The following SEC23B variants were observed in gnomAD, a reference collection of about 807,000 sequenced individuals.
SEC23B encodes the protein SEC23 homolog B, COPII component.
Under a neutral mutation model 104.3 loss-of-function variants are expected in SEC23B, and 77 were observed. That is an observed-to-expected ratio of 0.74 (90% CI 0.61 to 0.89). The LOEUF is 0.89. Ranked by LOEUF, SEC23B falls within the 40% of genes least tolerant of loss-of-function variation. The pLI is 0.00. For missense variants in SEC23B, 885 were observed against 949.4 expected, an observed-to-expected ratio of 0.93 and a Z score of 0.89; for synonymous variants, 338 against 332.5, an observed-to-expected ratio of 1.02 and a Z score of -0.18.
At chr20:18,536,141 A>G (rs2060228626) in intron 12 of SEC23B, among the ~76,000 whole-genome samples, 1 of 152,212 alleles carries the variant, frequency 6.6e-6, no homozygotes, top group African/African-American at 2.4e-5. Flanking sequence ...TCTGTAATTA[A>G]CATTTTACTC....
At chr20:18,549,783 C>T (rs1226973672) in intron 16 of SEC23B, among the ~76,000 whole-genome samples, 1 of 151,864 alleles carries the variant, frequency 6.6e-6, no homozygotes, top group Non-Finnish European at 1.5e-5. Flanking sequence ...GAGTTTGAGA[C>T]CAGCCTGGCC....
At chr20:18,544,649 G>A (rs2060316177) in intron 14 of SEC23B, among the ~76,000 whole-genome samples, 1 of 152,166 alleles carries the variant, frequency 6.6e-6, no homozygotes, top group Non-Finnish European at 1.5e-5. Flanking sequence ...GGGAGACGTG[G>A]CTGTGATTGT....
chr20:18,535,552 CT>C lies in SEC23B; in HGVS notation c.1315-100del, dbSNP rs1391797339. On this transcript the variant is annotated intron_variant, in intron 11 of 19. Transcript: ENST00000650089. ...TTAAATGTTCTCCTAAAAGAAGATA[CT>C]CTAAGTAGCCTGCCCTACTCAGTCA... 3.6e-6 allele frequency: 3 copies of C among 833,270 alleles called. No homozygotes were observed. The Admixed American group carries it at 6.0e-5, about 17-fold the overall frequency. 51.6% of individuals were successfully genotyped at this position (833,270 alleles called of 1,614,324 possible).
chr20:18,529,349 G>A (rs1007391673), intron 9 of SEC23B, among the ~76,000 whole-genome samples: 2 of 152,238 alleles, frequency 1.3e-5, no homozygotes. Flanking sequence ...AGAATGGACA[G>A]CTTGGGGAGG....
intron 10 of SEC23B, among the ~76,000 whole-genome samples, chr20:18,531,588 G>A (rs895130135): frequency 1.3e-5 from 2 of 150,170 alleles, no homozygotes; most frequent in Admixed American, 6.7e-5. Flanking sequence ...CGTAGGAGGC[G>A]GAGGTTGCGG....
chr20:18,523,839 G>A (rs1457937463), intron 4 of SEC23B, among the ~76,000 whole-genome samples: 3 of 151,840 alleles, frequency 2.0e-5, no homozygotes, highest in Non-Finnish European at 4.4e-5. Flanking sequence ...TGAGTAGCTG[G>A]GACCTTAGGC....
chr20:18,525,667 A>G, intron 6 of SEC23B, 121 bp from the exon 7 acceptor site: 1 of 1,074,136 alleles, frequency 9.3e-7, no homozygotes, highest in African/African-American at 1.6e-5. Flanking sequence ...GAAGAAAAAA[A>G]TTACCAGTCA....
rs201853669 is a variant in SEC23B at position 18,557,378 on chromosome 20, G to A, written c.2214+2205G>A. Reference sequence around the variant, plus strand: ...TGGTCCTAAACTCCTGAGGTCAAGCGATCCTCCCACCTCAGCCTCCCAAAG... The same window carrying A: ...TGGTCCTAAACTCCTGAGGTCAAGCAATCCTCCCACCTCAGCCTCCCAAAG... On this transcript the variant is annotated intron_variant, in intron 19 of 19. Coordinates refer to ENST00000650089, the MANE Select transcript of SEC23B (RefSeq NM_006363.6). Among the ~76,000 whole-genome samples the A allele has an allele frequency of 2.6e-5, 4 of 152,010 alleles. 1 individual carries two copies. The South Asian group carries it at 6.2e-4, about 24-fold the overall frequency.
At position 18,551,247 on chromosome 20, in the gene SEC23B, T is replaced by C. The variant is rs1266645461; in HGVS notation, c.1992+72T>C. On this transcript the variant is annotated intron_variant, in intron 17 of 19. Coordinates refer to ENST00000650089, the MANE Select transcript of SEC23B (RefSeq NM_006363.6). Reference sequence around the variant, plus strand: ...GGAGAAAAGGCATACACATTTAATGTGCACACAAGGAGAATTATTGTCCTT... The same window carrying C: ...GGAGAAAAGGCATACACATTTAATGCGCACACAAGGAGAATTATTGTCCTT... The C allele has an allele frequency of 3.7e-6, 3 of 805,734 alleles. No individual in the cohort carries two copies. The African/African-American group carries it at 5.1e-5, about 14-fold the overall frequency. The allele number at this position is 805,734 out of a possible 1,614,324, so 49.9% of individuals were successfully genotyped here. A position where few individuals can be genotyped will look rare whatever the true frequency, so the allele number is the denominator to read the frequency against.
At position 18,547,567 on chromosome 20, in the gene SEC23B, C is replaced by A. The variant is rs1450338821; in HGVS notation, c.1744-1042C>A. 1.3e-5 allele frequency among the ~76,000 whole-genome samples: 2 copies of A among 152,076 alleles called. 1 individual carries two copies. The highest frequency in any genetic ancestry group is 1.3e-4 in the Admixed American group (2 of 15,276). ...GCAGTGTCATCCCTTGTCCCTTTCTCCCCTGCACCAACACTTCACCATCCC... is the reference window on the plus strand; with the variant it reads ...GCAGTGTCATCCCTTGTCCCTTTCTACCCTGCACCAACACTTCACCATCCC... On this transcript the variant is annotated intron_variant, in intron 15 of 19. Coordinates refer to ENST00000650089, the MANE Select transcript of SEC23B (RefSeq NM_006363.6).
chr20:18,515,861 C>G lies in SEC23B; in HGVS notation c.366+125C>G, dbSNP rs2060020189. The G allele has an allele frequency of 4.2e-6, 3 of 715,066 alleles. No individual in the cohort carries two copies. In the East Asian group the frequency reaches 8.1e-5, roughly 19 times the overall value. The allele number at this position is 715,066 out of a possible 1,614,324, so 44.3% of individuals were successfully genotyped here. A position where few individuals can be genotyped will look rare whatever the true frequency, so the allele number is the denominator to read the frequency against. On this transcript the variant is annotated intron_variant, in intron 4 of 19. Transcript: ENST00000650089. Reference sequence around the variant, plus strand: ...GCTGTGAGGGCAGCAGGATCCTAACCTTTAGGTTTGATGTGTGTGCATCTA... The same window carrying G: ...GCTGTGAGGGCAGCAGGATCCTAACGTTTAGGTTTGATGTGTGTGCATCTA...
At chr20:18,542,899 A>C in intron 13 of SEC23B, 120 bp from the exon 14 acceptor site, 1 of 1,315,002 alleles carries the variant, frequency 7.6e-7, no homozygotes, top group Non-Finnish European at 1.1e-6. Context: ...TTGCCCTCCC[A>C]AAGTGTTGGG....
chr20:18,512,798 TC>T (rs1201811093), intron 3 of SEC23B, among the ~76,000 whole-genome samples: 1 of 152,166 alleles, frequency 6.6e-6, no homozygotes, highest in Non-Finnish European at 1.5e-5. Context: ...ATGCCTGTAA[TC>T]CCAGCATTTT....
At chr20:18,520,449 G>GA (rs2060072857) in intron 4 of SEC23B, among the ~76,000 whole-genome samples, 1 of 152,086 alleles carries the variant, frequency 6.6e-6, no homozygotes, top group Admixed American at 6.6e-5. Flanking sequence ...GGTTAAGGTT[G>GA]GGGGGTACAA....
intron 4 of SEC23B, among the ~76,000 whole-genome samples, chr20:18,521,841 C>G (rs1450678647): frequency 8.5e-5 from 13 of 152,064 alleles, no homozygotes; most frequent in Non-Finnish European, 1.8e-4. Context: ...TAGGGAGGGA[C>G]CAATGTGTAA....
chr20:18,543,302 G>T, intron 14 of SEC23B, 130 bp downstream of exon 14: 1 of 1,122,476 alleles, frequency 8.9e-7, no homozygotes. Flanking sequence ...TATGCTGCAC[G>T]CTGGACATTC....
intron 10 of SEC23B, among the ~76,000 whole-genome samples, chr20:18,531,293 C>G (rs757082803): frequency 5.3e-5 from 8 of 152,194 alleles, no homozygotes; most frequent in Non-Finnish European, 1.0e-4. Flanking sequence ...CAGCCATCAG[C>G]ATGGCTCACT....
chr20:18,520,294 G>A (rs1407139061), intron 4 of SEC23B, among the ~76,000 whole-genome samples: 1 of 152,184 alleles, frequency 6.6e-6, no homozygotes, highest in Non-Finnish European at 1.5e-5. Flanking sequence ...TATAACAAGC[G>A]AGTGATAACA....
At chr20:18,550,450 C>G (rs983329075) in intron 16 of SEC23B, among the ~76,000 whole-genome samples, 13 of 152,142 alleles carry the variant, frequency 8.5e-5, no homozygotes, top group African/African-American at 3.1e-4. Context: ...AGCCACTACG[C>G]CCAGCCATAA....
Sources: allele counts gnomAD v4.1 joint callset (sites outside exome capture counted in the v4.1 genomes callset), GRCh38; gene constraint gnomAD v4.1.1; transcripts MANE v1.5; gene names NCBI Gene and HGNC (gene_info 2026-07-23, HGNC 2026-07-21).